Variants in RIN2 observed in about 807,000 individuals in gnomAD.
RIN2 encodes RAB5 interacting protein 2.
A neutral mutation model predicts 78.0 loss-of-function variants in RIN2; 36 were observed. The observed-to-expected ratio is 0.46, with a 90% CI of 0.35 to 0.61. RIN2 has a LOEUF of 0.61. Ranked by LOEUF, RIN2 falls within the 20% of genes least tolerant of loss-of-function variation. RIN2 has a pLI of 0.00. For synonymous variants in RIN2, 466 were observed against 466.8 expected (o/e 1.00, Z 0.02); for missense variants, 1,087 against 1,159.7 (o/e 0.94, Z 0.91).
chr20:19,871,743 G>T (rs1030944141), intron 2 of RIN2: 2 of 152,182 alleles, frequency 1.3e-5, no homozygotes, highest in African/African-American at 4.8e-5. Context: ...TAGAACCAAT[G>T]TACGCATCGC....
chr20:19,817,145 C>T (rs747678776), intron 2 of RIN2, among the ~76,000 whole-genome samples: 4 of 152,186 alleles, frequency 2.6e-5, no homozygotes, highest in African/African-American at 7.2e-5. Flanking sequence ...AGTTGCAACA[C>T]GTGTGTTATT....
chr20:19,776,731 CAAA>C (rs778463108), intron 1 of RIN2, among the ~76,000 whole-genome samples: 4 of 116,644 alleles, frequency 3.4e-5, no homozygotes, highest in African/African-American at 3.2e-5. Context: ...GACCCTGTCT[CAAA>C]AAAAAAAAAA....
At chr20:19,952,788 ATATT>A (rs1201987604) in intron 4 of RIN2, among the ~76,000 whole-genome samples, 3 of 152,172 alleles carry the variant, frequency 2.0e-5, no homozygotes, top group Admixed American at 6.5e-5. Context: ...CAGTGATAAA[ATATT>A]TATTTAGTCG....
intron 1 of RIN2, among the ~76,000 whole-genome samples, chr20:19,782,508 T>C (rs1302416105): frequency 6.7e-6 from 1 of 148,956 alleles, no homozygotes; most frequent in East Asian, 2.0e-4. Flanking sequence ...GAGCTTGCAG[T>C]GAGTTGAGAT....
intron 11 of RIN2, among the ~76,000 whole-genome samples, chr20:19,995,284 C>T (rs1304547596): frequency 1.8e-5 from 2 of 113,906 alleles, no homozygotes; most frequent in African/African-American, 9.2e-5. Flanking sequence ...AAAAACAAAA[C>T]ACATTCATAA....
At chr20:19,856,078 A>C (rs1224185837) in intron 2 of RIN2, among the ~76,000 whole-genome samples, 1 of 151,494 alleles carries the variant, frequency 6.6e-6, no homozygotes, top group African/African-American at 2.4e-5. Flanking sequence ...CTTCTAGAAC[A>C]AAAAAAAAGA....
intron 3 of RIN2, among the ~76,000 whole-genome samples, chr20:19,929,225 C>A (rs561368946): frequency 4.6e-5 from 7 of 152,332 alleles, no homozygotes; most frequent in South Asian, 4.1e-4. Flanking sequence ...CAGCCCCTCC[C>A]CATGCTTGCA....
rs112836397 is a variant in RIN2, at chr20:19,868,004, G to A, written c.-36-21562G>A. On this transcript the variant is annotated intron_variant, in intron 2 of 12. Transcript: ENST00000255006. ...TGGGGCTGCAAAAGCCATCAGTGTC[G>A]TCATGTCTGGCGTGGGGCATGCTGG... Among the ~76,000 whole-genome samples, 435 of 152,316 alleles carry A rather than the reference G, an allele frequency of 2.9e-3. 6 individuals carry two copies. The highest frequency in any genetic ancestry group is 0.01 in the African/African-American group (417 of 41,562).
rs150082192 is a variant in RIN2, at chr20:19,890,345, A to G, written c.57+687A>G. Among the ~76,000 whole-genome samples, 1,388 of 152,278 alleles carry G rather than the reference A, an allele frequency of 9.1e-3. 11 individuals are homozygous for G. The highest frequency in any genetic ancestry group is 0.02 in the South Asian group (97 of 4,820). ...CGCTTCTGATTTACACTTGGGAATC[A>G]ATTCCCCTCTTGTGGCTTTTTGCTT... On this transcript the variant is annotated intron_variant, in intron 3 of 12. Coordinates refer to ENST00000255006, the MANE Select transcript of RIN2 (RefSeq NM_018993.4).
chr20:19,908,816 G>A (rs1411025857), intron 3 of RIN2, among the ~76,000 whole-genome samples: 2 of 152,178 alleles, frequency 1.3e-5, no homozygotes, highest in African/African-American at 4.8e-5. Flanking sequence ...CTGGGCTTAG[G>A]GGTGGGCAAT....
intron 3 of RIN2, among the ~76,000 whole-genome samples, chr20:19,904,403 G>C (rs1474148650): frequency 2.0e-5 from 3 of 151,996 alleles, no homozygotes; most frequent in African/African-American, 7.2e-5. Context: ...CCGGGTATGC[G>C]GTGCTGGGGG....
intron 7 of RIN2, 24 bp from the exon 8 acceptor site, chr20:19,970,814 T>A (rs1269740339): frequency 1.9e-6 from 3 of 1,548,944 alleles, no homozygotes; most frequent in Non-Finnish European, 2.7e-6. Context: ...ATTACAAACA[T>A]TCTCTCTTTT....
intron 2 of RIN2, among the ~76,000 whole-genome samples, chr20:19,880,943 G>A (rs952096752): frequency 2.0e-5 from 3 of 152,148 alleles, no homozygotes; most frequent in Non-Finnish European, 2.9e-5. Context: ...AACTATTCCC[G>A]ATGGCAGCAT....
chr20:19,825,095 G>C (rs575469572), intron 2 of RIN2, among the ~76,000 whole-genome samples: 1 of 152,352 alleles, frequency 6.6e-6, no homozygotes, highest in East Asian at 1.9e-4. Context: ...GATCCCTGGG[G>C]ATGAGACCAG....
intron 1 of RIN2, among the ~76,000 whole-genome samples, chr20:19,796,652 C>T (rs1375471668): frequency 6.6e-6 from 1 of 152,162 alleles, no homozygotes; most frequent in African/African-American, 2.4e-5. Flanking sequence ...CTTCAGTGCA[C>T]ATTGGAATCA....
At chr20:19,770,716 G>T (rs1365879993) in intron 1 of RIN2, among the ~76,000 whole-genome samples, 1 of 152,040 alleles carries the variant, frequency 6.6e-6, no homozygotes, top group African/African-American at 2.4e-5. Context: ...AAACAAAAAC[G>T]TGTTTTTCCT....
chr20:19,995,178 G>A (rs2042915071), intron 11 of RIN2, among the ~76,000 whole-genome samples: 1 of 150,568 alleles, frequency 6.6e-6, no homozygotes, highest in South Asian at 2.1e-4. Context: ...TGGCCCTAAA[G>A]GTGACACTTC....
intron 2 of RIN2, among the ~76,000 whole-genome samples, chr20:19,836,711 T>C (rs1211619474): frequency 6.6e-6 from 1 of 152,228 alleles, no homozygotes; most frequent in Non-Finnish European, 1.5e-5. Context: ...ATCTATTTAA[T>C]TTTTGTAGCT....
chr20:19,977,175 C>T (rs1234951442), intron 9 of RIN2, among the ~76,000 whole-genome samples: 1 of 152,122 alleles, frequency 6.6e-6, no homozygotes, highest in Non-Finnish European at 1.5e-5. Flanking sequence ...GAAGCTTCCT[C>T]TTAGGGGCTG....
Sources: allele counts gnomAD v4.1 joint callset (sites outside exome capture counted in the v4.1 genomes callset), GRCh38; gene constraint gnomAD v4.1.1; transcripts MANE v1.5; gene names NCBI Gene and HGNC (gene_info 2026-07-23, HGNC 2026-07-21).